FOXP2: variants seen among roughly 807,000 people sequenced by gnomAD.
FOXP2 encodes forkhead box protein P2.
FOXP2 carries 12 observed loss-of-function variants against 115.8 expected under a neutral mutation model. That is an observed-to-expected ratio of 0.10 (90% CI 0.07 to 0.17). The LOEUF (loss-of-function observed/expected upper bound fraction) is 0.17, where lower values mean the gene tolerates loss of function less well. Ranked by LOEUF, FOXP2 falls within the 10% of genes least tolerant of loss-of-function variation. The probability of loss-of-function intolerance (pLI) is 1.00; values close to 1 mark genes in which losing one functional copy is unlikely to be tolerated. For synonymous variants in FOXP2, 328 were observed against 297.7 expected, an observed-to-expected ratio of 1.10 and a Z score of -1.05; for missense variants, 629 against 843.5, an observed-to-expected ratio of 0.75 and a Z score of 3.15.
intron 2 of FOXP2, chr7:114,499,294 G>T: frequency 5.6e-6 from 1 of 177,502 alleles, no homozygotes; most frequent in African/African-American, 2.4e-5. Flanking sequence ...ATTAAGTACA[G>T]GGTTATTGCT....
intron 3 of FOXP2, among the ~76,000 whole-genome samples, chr7:114,615,487 C>A (rs1406559222): frequency 1.3e-5 from 2 of 152,166 alleles, no homozygotes; most frequent in Admixed American, 6.5e-5. Flanking sequence ...TTTGCTTAGA[C>A]TCATGGTTTT....
chr7:114,220,097 C>T (rs1005065220), intron 1 of FOXP2, among the ~76,000 whole-genome samples: 4 of 150,974 alleles, frequency 2.6e-5, no homozygotes, highest in African/African-American at 9.8e-5. Flanking sequence ...ACTTGATGTC[C>T]TGACCTTGTG....
intron 2 of FOXP2, among the ~76,000 whole-genome samples, chr7:114,331,780 G>T (rs1001019169): frequency 4.6e-5 from 7 of 151,090 alleles, no homozygotes; most frequent in African/African-American, 1.7e-4. Flanking sequence ...TGATTTTCTT[G>T]CATTACAGGC....
At chr7:114,431,981 A>G (rs1584727508) in intron 2 of FOXP2, among the ~76,000 whole-genome samples, 1 of 152,098 alleles carries the variant, frequency 6.6e-6, no homozygotes, top group East Asian at 1.9e-4. Flanking sequence ...TTAACTGGCT[A>G]GCTATGCTTT....
chr7:114,361,685 C>T lies in FOXP2; in HGVS notation c.-10-64817C>T, dbSNP rs79802872. ...GTAAATTTTACCTTTGATAACATCT[C>T]AAGTCCTTCTCTTCACTTTTTGCAT... On this transcript the variant is annotated intron_variant, in intron 2 of 17. Coordinates refer to the FOXP2 transcript ENST00000634411. Among the ~76,000 whole-genome samples, 1,349 of 152,148 alleles carry T rather than the reference C, an allele frequency of 8.9e-3. 22 individuals carry two copies. The highest frequency in any genetic ancestry group is 0.031 in the African/African-American group (1,279 of 41,542).
intron 1 of FOXP2, among the ~76,000 whole-genome samples, chr7:114,283,918 G>A (rs368990550): frequency 2.0e-5 from 3 of 151,960 alleles, no homozygotes; most frequent in African/African-American, 4.8e-5. Context: ...AGCTACAATC[G>A]CACCACTGCA....
chr7:114,226,176 A>G (rs1056223694), intron 1 of FOXP2, among the ~76,000 whole-genome samples: 1 of 152,178 alleles, frequency 6.6e-6, no homozygotes, highest in African/African-American at 2.4e-5. Context: ...AAGCCCCCCA[A>G]TTTACCATTT....
intron 1 of FOXP2, among the ~76,000 whole-genome samples, chr7:114,236,302 T>C (rs1162531288): frequency 6.6e-6 from 1 of 152,230 alleles, no homozygotes; most frequent in East Asian, 1.9e-4. Flanking sequence ...AAATCTGTAG[T>C]AATTTATTAT....
chr7:114,611,605 A>ATAGCTATACTTTGAATAGCTC (rs1276933123), intron 3 of FOXP2, among the ~76,000 whole-genome samples: 1 of 152,172 alleles, frequency 6.6e-6, no homozygotes, highest in Non-Finnish European at 1.5e-5. Context: ...TCTACTTTGA[A>ATAGCTATACTTTGAATAGCTC]TACATTTTCA....
At chr7:114,619,331 G>GT (rs1314565228) in intron 3 of FOXP2, among the ~76,000 whole-genome samples, 1 of 151,938 alleles carries the variant, frequency 6.6e-6, no homozygotes, top group Non-Finnish European at 1.5e-5. Context: ...TTTTCAATCC[G>GT]TAAGTCCAGT....
At chr7:114,411,956 T>C (rs1793173772), upstream of FOXP2, among the ~76,000 whole-genome samples, 1 of 152,178 alleles carries the variant, frequency 6.6e-6, no homozygotes, top group Non-Finnish European at 1.5e-5. Context: ...TAGATTTTAA[T>C]ACAGCAAAAT....
chr7:114,689,666 G>T, intron 16 of FOXP2, 116 bp from the exon 17 acceptor site: 1 of 1,014,236 alleles, frequency 9.9e-7, no homozygotes. Context: ...GCCCTTTTAA[G>T]AAAGACAATG....
rs148297460 is a variant in FOXP2, at chr7:114,577,020, A to G, written c.258+42314A>G. ...TGTGCATGTGTCTTTATTCAATTCTATGTGCAGTTCATTTTTCTTTCTTAT... is the reference window on the plus strand; with the variant it reads ...TGTGCATGTGTCTTTATTCAATTCTGTGTGCAGTTCATTTTTCTTTCTTAT... On this transcript the variant is annotated intron_variant, in intron 3 of 16. Coordinates refer to ENST00000350908, the MANE Select transcript of FOXP2 (RefSeq NM_014491.4). Among the ~76,000 whole-genome samples, 1,285 of 151,878 alleles carry G rather than the reference A, an allele frequency of 8.5e-3. 11 individuals carry two copies. The highest frequency in any genetic ancestry group is 0.03 in the African/African-American group (1,231 of 41,506).
chr7:114,432,280 A>G (rs948790911), intron 2 of FOXP2, among the ~76,000 whole-genome samples: 3 of 151,998 alleles, frequency 2.0e-5, no homozygotes, highest in African/African-American at 7.2e-5. Flanking sequence ...TAAAAGTTAC[A>G]CTGCATGCTG....
chr7:114,581,356 G>A (rs1801860692), intron 3 of FOXP2, among the ~76,000 whole-genome samples: 1 of 151,640 alleles, frequency 6.6e-6, no homozygotes, highest in African/African-American at 2.4e-5. Context: ...ACTAATTATT[G>A]TATTTTTTGT....
At chr7:114,514,758 A>G (rs186489730) in intron 2 of FOXP2, among the ~76,000 whole-genome samples, 573 of 151,514 alleles carry the variant, frequency 3.8e-3, no homozygotes, top group Non-Finnish European at 5.4e-3. Flanking sequence ...TTTAGGGTAC[A>G]TGTGCACAAT....
intron 1 of FOXP2, among the ~76,000 whole-genome samples, chr7:114,252,085 G>C (rs894614207): frequency 2.0e-5 from 3 of 152,118 alleles, no homozygotes; most frequent in African/African-American, 7.2e-5. Flanking sequence ...TTATATACTG[G>C]ATTACGTTTA....
intron 3 of FOXP2, among the ~76,000 whole-genome samples, chr7:114,616,472 T>G (rs565732284): frequency 6.6e-6 from 1 of 152,136 alleles, no homozygotes; most frequent in Non-Finnish European, 1.5e-5. Context: ...CTACAATAGG[T>G]GATTAATAAA....
intron 1 of FOXP2, among the ~76,000 whole-genome samples, chr7:114,250,385 T>G (rs1042948278): frequency 1.3e-5 from 2 of 152,200 alleles, no homozygotes; most frequent in African/African-American, 4.8e-5. Context: ...ACTTCCACAA[T>G]GGTTGAACTA....
Sources: allele counts gnomAD v4.1 joint callset (sites outside exome capture counted in the v4.1 genomes callset), GRCh38; gene constraint gnomAD v4.1.1; transcripts MANE v1.5; gene names NCBI Gene and HGNC (gene_info 2026-07-23, HGNC 2026-07-21).